The following YES1 variants were observed in gnomAD, a reference collection of about 807,000 sequenced individuals.
The protein encoded by YES1 is tyrosine-protein kinase Yes.
YES1 carries 39 observed loss-of-function variants against 70.4 expected under a neutral mutation model. That is an observed-to-expected ratio of 0.55 (90% CI 0.43 to 0.72). The LOEUF (loss-of-function observed/expected upper bound fraction) is 0.72, where lower values mean the gene tolerates loss of function less well. YES1 is among the 30% of genes least tolerant of loss of function. YES1 has a pLI of 0.00. For synonymous variants in YES1, 198 were observed against 218.6 expected (o/e 0.91, Z 0.83); for missense variants, 495 against 644.8 (o/e 0.77, Z 2.52).
intron 1 of YES1, among the ~76,000 whole-genome samples, chr18:800,673 A>G (rs1258192375): frequency 6.6e-6 from 1 of 152,260 alleles, no homozygotes; most frequent in Admixed American, 6.5e-5. Context: ...AGAACTTGAC[A>G]CAGTGGCAAA....
intron 1 of YES1, among the ~76,000 whole-genome samples, chr18:799,084 G>GGA (rs1906687407): frequency 6.6e-6 from 1 of 152,168 alleles, no homozygotes; most frequent in Non-Finnish European, 1.5e-5. Flanking sequence ...TAACCAGTTT[G>GGA]CTTTATACCA....
At chr18:734,729 G>A (rs1309939593) in intron 10 of YES1, among the ~76,000 whole-genome samples, 2 of 151,438 alleles carry the variant, frequency 1.3e-5, no homozygotes, top group Non-Finnish European at 2.9e-5. Flanking sequence ...GTGGTGAAAA[G>A]GGAACATTTT....
intron 1 of YES1, among the ~76,000 whole-genome samples, chr18:773,030 G>A (rs746020360): frequency 6.6e-6 from 1 of 152,158 alleles, no homozygotes; most frequent in Non-Finnish European, 1.5e-5. Context: ...GGACTAGAAG[G>A]TACTATGATG....
intron 11 of YES1, among the ~76,000 whole-genome samples, chr18:731,861 G>A (rs1435460866): frequency 1.3e-5 from 2 of 151,502 alleles, no homozygotes; most frequent in African/African-American, 4.9e-5. Context: ...TAGCTACTCG[G>A]GAGGCTGAGG....
intron 1 of YES1, among the ~76,000 whole-genome samples, chr18:772,505 T>C (rs1905205600): frequency 6.6e-6 from 1 of 152,026 alleles, no homozygotes; most frequent in African/African-American, 2.4e-5. Flanking sequence ...CGATCTCGGC[T>C]CACTGCAACC....
At chr18:769,563 T>C (rs193027735) in intron 1 of YES1, among the ~76,000 whole-genome samples, 22 of 152,328 alleles carry the variant, frequency 1.4e-4, no homozygotes, top group Admixed American at 1.3e-3. Flanking sequence ...AGGATTTTTG[T>C]ATTATAGCAG....
At chr18:778,562 T>A (rs1905500461) in intron 1 of YES1, among the ~76,000 whole-genome samples, 1 of 152,236 alleles carries the variant, frequency 6.6e-6, no homozygotes, top group Non-Finnish European at 1.5e-5. Flanking sequence ...CATTACATGC[T>A]CTATCTAGTT....
At chr18:737,911 G>T (rs1472593174) in intron 9 of YES1, 1 of 152,098 alleles carries the variant, frequency 6.6e-6, no homozygotes, top group Non-Finnish European at 1.5e-5. Flanking sequence ...GTAGAGATGG[G>T]GTTTCACTAT....
rs1227529725 is a variant in YES1 at position 723,892 on chromosome 18, G to A, written c.*532C>T. On this transcript the variant is annotated 3_prime_UTR_variant, in exon 12 of 12. Transcript: ENST00000314574. ...TTTGAAAAACCTGGCCCATGTCCAT[G>A]CAAAAGAAAGCATATATTAAGATTG... 4 of 153,880 alleles carry A rather than the reference G, an allele frequency of 2.6e-5. No individual in the cohort carries two copies. The East Asian group carries it at 7.7e-4, about 30-fold the overall frequency. 9.5% of individuals were successfully genotyped at this position (153,880 alleles called of 1,614,324 possible). A position where few individuals can be genotyped will look rare whatever the true frequency, so the allele number is the denominator to read the frequency against.
intron 1 of YES1, among the ~76,000 whole-genome samples, chr18:776,528 T>C (rs146390244): frequency 6.6e-6 from 1 of 152,224 alleles, no homozygotes; most frequent in African/African-American, 2.4e-5. Context: ...TAGGGTTGTC[T>C]GTCCTTTTCT....
chr18:771,291 T>C (rs1341737842), intron 1 of YES1, among the ~76,000 whole-genome samples: 3 of 151,756 alleles, frequency 2.0e-5, no homozygotes, highest in African/African-American at 4.8e-5. Flanking sequence ...CATTTGAACC[T>C]AGGAGGCGGA....
intron 11 of YES1, among the ~76,000 whole-genome samples, chr18:730,684 A>T (rs1412998751): frequency 6.6e-6 from 1 of 152,214 alleles, no homozygotes; most frequent in Non-Finnish European, 1.5e-5. Context: ...AAGCCAATAT[A>T]AATGGGCTTC....
chr18:765,322 A>G (rs1904848421), intron 1 of YES1, among the ~76,000 whole-genome samples: 1 of 144,656 alleles, frequency 6.9e-6, no homozygotes, highest in African/African-American at 2.5e-5. Context: ...TATATGAAAC[A>G]TGAAGCAAAC....
At chr18:744,339 G>A (rs116857644) in intron 6 of YES1, among the ~76,000 whole-genome samples, 63 of 151,450 alleles carry the variant, frequency 4.2e-4, no homozygotes, top group Non-Finnish European at 6.5e-4. Context: ...ATTTGTAAGA[G>A]GCATACCAAA....
At chr18:732,786 G>A in intron 11 of YES1, 48 bp downstream of exon 11, 1 of 1,612,964 alleles carries the variant, frequency 6.2e-7, no homozygotes, top group Non-Finnish European at 8.5e-7. Context: ...ATAAACTCCT[G>A]ATAAAGCCAC....
chr18:741,698 G>A (rs1279340348), intron 8 of YES1, among the ~76,000 whole-genome samples: 1 of 152,116 alleles, frequency 6.6e-6, no homozygotes. Context: ...AGCTACTCAG[G>A]AGGCTGAGAT....
chr18:737,013 G>A, intron 9 of YES1, 52 bp from the exon 10 acceptor site: 4 of 1,457,106 alleles, frequency 2.7e-6, no homozygotes, highest in Non-Finnish European at 3.7e-6. Flanking sequence ...AAGGGAAGCA[G>A]AGAGAAGACA....
chr18:793,299 A>C (rs1906368638), intron 1 of YES1, among the ~76,000 whole-genome samples: 1 of 152,104 alleles, frequency 6.6e-6, no homozygotes, highest in Admixed American at 6.5e-5. Context: ...TCGGCCTCCC[A>C]AAGTGCTGGG....
At chr18:776,556 T>C (rs908323799) in intron 1 of YES1, among the ~76,000 whole-genome samples, 1 of 152,180 alleles carries the variant, frequency 6.6e-6, no homozygotes, top group Non-Finnish European at 1.5e-5. Context: ...TTGTAAGGCA[T>C]TCTTTAATTT....
Sources: gnomAD v4.1 joint callset for allele counts (sites outside exome capture counted in the v4.1 genomes callset) on GRCh38, gnomAD v4.1.1 for gene constraint, MANE v1.5 for transcripts, NCBI Gene and HGNC (gene_info 2026-07-23, HGNC 2026-07-21) for gene names.